MEF2A: variants seen among roughly 807,000 people sequenced by gnomAD.
MEF2A encodes myocyte enhancer factor 2A, also known as myocyte-specific enhancer factor 2A.
MEF2A carries 28 observed loss-of-function variants against 55.8 expected under a neutral mutation model. The observed-to-expected ratio is 0.50, with a 90% CI of 0.37 to 0.69. The LOEUF (loss-of-function observed/expected upper bound fraction) is 0.69. Ranked by LOEUF, MEF2A falls within the 30% of genes least tolerant of loss-of-function variation. MEF2A has a pLI of 0.00. For missense variants in MEF2A, 528 were observed against 626.2 expected (o/e 0.84, Z 1.67); for synonymous variants, 239 against 227.1 (o/e 1.05, Z -0.47).
intron 7 of MEF2A, among the ~76,000 whole-genome samples, 190 bp from the exon 8 acceptor site, chr15:99,690,051 A>G (rs919556801): frequency 1.3e-5 from 2 of 152,236 alleles, no homozygotes; most frequent in African/African-American, 2.4e-5. Flanking sequence ...TGCTCAGCCA[A>G]TAAGTATACA....
At chr15:99,657,242 T>G (rs536088434) in intron 4 of MEF2A, among the ~76,000 whole-genome samples, 2 of 152,082 alleles carry the variant, frequency 1.3e-5, no homozygotes, top group South Asian at 4.2e-4. Context: ...TAGTAGAATT[T>G]CCTGGATTGT....
At chr15:99,610,591 A>G (rs1976883568) in intron 2 of MEF2A, among the ~76,000 whole-genome samples, 1 of 152,220 alleles carries the variant, frequency 6.6e-6, no homozygotes, top group South Asian at 2.1e-4. Flanking sequence ...TGTTACTGGC[A>G]TAAGGATAAA....
intron 1 of MEF2A, among the ~76,000 whole-genome samples, chr15:99,577,585 C>T (rs1470184337): frequency 6.6e-6 from 1 of 152,154 alleles, no homozygotes; most frequent in Non-Finnish European, 1.5e-5. Flanking sequence ...AATGTAAATG[C>T]CAAAACCAGG....
intron 2 of MEF2A, among the ~76,000 whole-genome samples, chr15:99,627,535 T>C (rs1376188115): frequency 6.6e-6 from 1 of 152,078 alleles, no homozygotes. Flanking sequence ...CTGAAGTTTA[T>C]TTAGGAAAAG....
intron 2 of MEF2A, among the ~76,000 whole-genome samples, chr15:99,632,441 ATTG>A (rs528742268): frequency 6.6e-6 from 1 of 152,176 alleles, no homozygotes; most frequent in Non-Finnish European, 1.5e-5. Context: ...AGATTAGTTC[ATTG>A]TTTGGTATGG....
At chr15:99,687,925 TTC>T (rs2054611017) in intron 7 of MEF2A, among the ~76,000 whole-genome samples, 1 of 152,240 alleles carries the variant, frequency 6.6e-6, no homozygotes, top group African/African-American at 2.4e-5. Flanking sequence ...GTAAAGGTAC[TTC>T]TATGATTTCC....
At chr15:99,697,814 C>T (rs8029296) in intron 8 of MEF2A, among the ~76,000 whole-genome samples, 110,056 of 152,036 alleles carry the variant, frequency 0.72, 39,916 homozygotes, top group Admixed American at 0.76. Flanking sequence ...TACTACTACC[C>T]GATTTCAAGA....
intron 2 of MEF2A, among the ~76,000 whole-genome samples, chr15:99,599,925 G>T (rs1445687602): frequency 6.6e-6 from 1 of 152,048 alleles, no homozygotes. Flanking sequence ...TTCTAGAGAT[G>T]ATTCAAAATA....
rs2153800082 is a variant in MEF2A, at chr15:99,703,757, A to G, written c.882+372A>G. 1.3e-5 allele frequency among the ~76,000 whole-genome samples: 2 copies of G among 152,254 alleles called. 1 individual carries two copies. The highest frequency in any genetic ancestry group is 6.8e-3 in the Middle Eastern group (2 of 294). ...CCCTCGAAGTTCCTCAGATTGTAAC[A>G]CACGATGTTGTGTTGTTTCTCTTTC... On this transcript the variant is annotated intron_variant, in intron 9 of 11. Transcript: ENST00000557942.
intron 10 of MEF2A, among the ~76,000 whole-genome samples, chr15:99,707,414 C>T (rs561756987): frequency 5.3e-5 from 8 of 152,212 alleles, no homozygotes; most frequent in South Asian, 2.1e-4. Flanking sequence ...GATTTCTCCT[C>T]GGAGCCAGTC....
chr15:99,642,009 T>C (rs1330574234), intron 3 of MEF2A, among the ~76,000 whole-genome samples: 2 of 152,226 alleles, frequency 1.3e-5, no homozygotes, highest in Admixed American at 6.5e-5. Context: ...CAGCAAGTAA[T>C]GCTTGTTGGT....
chr15:99,701,491 G>A (rs1471630262), intron 8 of MEF2A, among the ~76,000 whole-genome samples: 1 of 152,180 alleles, frequency 6.6e-6, no homozygotes, highest in Non-Finnish European at 1.5e-5. Flanking sequence ...AAAGGCTTGT[G>A]GGATCCAGGA....
In MEF2A at chr15:99,712,275, C is replaced by G; in HGVS notation, c.1137-115C>G. ...CGACCCAAACCAGTCTTGGGGAACT[C>G]TGATAAGATTTCAGACTCTGGGCCC... On this transcript the variant is annotated intron_variant, in intron 11 of 11. Transcript: ENST00000557942. This position sits in a 1 kb window ranked among gnomAD's most constrained non-coding sequence, Gnocchi z 4.1. 7.0e-7 allele frequency: 1 copy of G among 1,431,498 alleles called. No individual in the cohort carries two copies. The allele number at this position is 1,431,498 out of a possible 1,614,324, so 88.7% of individuals were successfully genotyped here. A position where few individuals can be genotyped will look rare whatever the true frequency, so the allele number is the denominator to read the frequency against.
intron 2 of MEF2A, among the ~76,000 whole-genome samples, chr15:99,616,691 A>G (rs954209561): frequency 1.3e-5 from 2 of 152,104 alleles, no homozygotes; most frequent in African/African-American, 4.8e-5. Context: ...ATATATATAT[A>G]TACACCCATC....
At chr15:99,710,842 G>T in intron 11 of MEF2A, 82 bp downstream of exon 11, 1 of 1,468,278 alleles carries the variant, frequency 6.8e-7, no homozygotes, top group Non-Finnish European at 9.2e-7. Flanking sequence ...CTTTTGCTCT[G>T]TTGAGTTTCG....
chr15:99,677,661 T>G (rs1002790311), intron 7 of MEF2A, among the ~76,000 whole-genome samples: 2 of 152,116 alleles, frequency 1.3e-5, no homozygotes, highest in Admixed American at 6.5e-5. Flanking sequence ...TTTGAAGAGA[T>G]AATCACTGAG....
intron 1 of MEF2A, among the ~76,000 whole-genome samples, chr15:99,572,634 T>C (rs1247507508): frequency 2.0e-5 from 3 of 152,236 alleles, no homozygotes; most frequent in East Asian, 3.8e-4. Context: ...TTGTTCCTGT[T>C]TTTTGCCAAT....
chr15:99,712,882 T>A lies in MEF2A; in HGVS notation c.*111T>A. Reference sequence around the variant, plus strand: ...ATATATTTATATGTACATACATATATATATCCCTTTACATATATATGTATG... The same window carrying A: ...ATATATTTATATGTACATACATATAAATATCCCTTTACATATATATGTATG... On this transcript the variant is annotated 3_prime_UTR_variant, in exon 12 of 12. Transcript: ENST00000557942. This position sits in a 1 kb window ranked among gnomAD's most constrained non-coding sequence, Gnocchi z 4.1. 42 of 1,120,552 alleles carry A rather than the reference T, an allele frequency of 3.7e-5. No individual in the cohort carries two copies. Among genetic ancestry groups the A allele is most frequent in the Non-Finnish European group, 4.9e-5 (39 of 793,286 alleles). 69.4% of individuals were successfully genotyped at this position (1,120,552 alleles called of 1,614,324 possible).
intron 4 of MEF2A, among the ~76,000 whole-genome samples, chr15:99,647,907 A>C (rs1393474496): frequency 6.6e-6 from 1 of 152,148 alleles, no homozygotes; most frequent in Non-Finnish European, 1.5e-5. Context: ...TACTGAGTCA[A>C]CTTTTATTAA....
Sources: gnomAD v4.1 joint callset for allele counts (sites outside exome capture counted in the v4.1 genomes callset) on GRCh38, gnomAD v4.1.1 for gene constraint, Gnocchi (gnomAD v3.1) non-coding constraint, MANE v1.5 for transcripts, NCBI Gene and HGNC (gene_info 2026-07-23, HGNC 2026-07-21) for gene names.